Variants in PM20D2 observed in about 807,000 individuals in gnomAD.
PM20D2 encodes xaa-Arg dipeptidase.
PM20D2 carries 33 observed loss-of-function variants against 42.9 expected under a neutral mutation model. The ratio of observed to expected loss-of-function variants is 0.77; its 90% CI spans 0.58 to 1.03. The LOEUF (loss-of-function observed/expected upper bound fraction) is 1.03. Among genes scored for constraint, PM20D2 ranks in the 50% least tolerant of loss-of-function variants. PM20D2 has a pLI of 0.00. For synonymous variants in PM20D2, 250 were observed against 228.2 expected (o/e 1.10, Z -0.86); for missense variants, 548 against 557.0 (o/e 0.98, Z 0.16).
chr6:89,160,896 A>G (rs1238568238), intron 5 of PM20D2, among the ~76,000 whole-genome samples: 1 of 152,098 alleles, frequency 6.6e-6, no homozygotes, highest in East Asian at 1.9e-4. Context: ...GTCCTGTGAC[A>G]GGGAGAGCAT....
In PM20D2 at chr6:89,164,012, T is replaced by G. The variant is rs1459753942; in HGVS notation, c.*1749T>G. ...TATGTGGTACTATGAATTACTAAAT[T>G]GCTATATACCATGTAATAGTGAGTA... On this transcript the variant is annotated 3_prime_UTR_variant, in exon 7 of 7. Transcript: ENST00000275072. 1 of 152,184 alleles carries G rather than the reference T, an allele frequency of 6.6e-6. No individual in the cohort carries two copies. The highest frequency in any genetic ancestry group is 1.5e-5 in the Non-Finnish European group (1 of 68,042). 9.4% of individuals were successfully genotyped at this position (152,184 alleles called of 1,614,324 possible).
upstream of PM20D2, among the ~76,000 whole-genome samples, chr6:89,144,397 T>A (rs7756158): frequency 0.36 from 55,012 of 151,854 alleles, 10,933 homozygotes; most frequent in African/African-American, 0.54. Context: ...TCAAAATGAG[T>A]GTTGTGGGTT....
the PM20D2 span, chr6:89,105,168 T>C: frequency 1.2e-6 from 2 of 1,612,532 alleles, no homozygotes; most frequent in Admixed American, 1.7e-5. Context: ...GAAGAACTTC[T>C]ACTTCGAGTT....
At position 89,148,298 on chromosome 6, in the gene PM20D2, GGTT is replaced by G. The variant is rs201800265; in HGVS notation, c.466-963_466-961del. ...CCGGCCCACTCTTCTAACTTCAAATGGTTGTTCTCAATTTTAGCAAGGTTAAGT... is the reference window on the plus strand; with the variant it reads ...CCGGCCCACTCTTCTAACTTCAAATGGTTCTCAATTTTAGCAAGGTTAAGT... On this transcript the variant is annotated intron_variant, in intron 1 of 6. Coordinates refer to ENST00000275072, the MANE Select transcript of PM20D2 (RefSeq NM_001010853.3). 2.6e-3 allele frequency among the ~76,000 whole-genome samples: 402 copies of G among 152,182 alleles called. 5 individuals are homozygous for G. Among genetic ancestry groups the G allele is most frequent in the Admixed American group, 0.02 (310 of 15,294 alleles).
At chr6:89,157,801 T>C (rs1043664171) in intron 4 of PM20D2, among the ~76,000 whole-genome samples, 21 of 152,020 alleles carry the variant, frequency 1.4e-4, no homozygotes, top group Admixed American at 1.1e-3. Flanking sequence ...AGTCAGGAGT[T>C]TGAGGCCAGC....
At chr6:89,128,047 C>G in the PM20D2 span, among the ~76,000 whole-genome samples, 10 of 151,970 alleles carry the variant, frequency 6.6e-5, no homozygotes, top group Non-Finnish European at 1.2e-4. Flanking sequence ...ATCAGTGCAC[C>G]TTGAAAAAGA....
chr6:89,123,877 A>G, the PM20D2 span, among the ~76,000 whole-genome samples: 1,088 of 151,900 alleles, frequency 7.2e-3, 9 homozygotes, highest in African/African-American at 0.025. Flanking sequence ...TCTAGTAAAA[A>G]TAAAAACAAA....
In PM20D2 at chr6:89,154,828, A is replaced by G. The variant is rs1290221723; in HGVS notation, c.838A>G (p.Met280Val). 2 of 1,610,346 alleles carry G rather than the reference A, an allele frequency of 1.2e-6. No individual in the cohort carries two copies. Among genetic ancestry groups the G allele is most frequent in the African/African-American group, 1.3e-5 (1 of 74,834 alleles). ...AATCTATTACTTCCGTGCACCCTCA[A>G]TGAAAGAACTTCAAGTTTTGACCAA... Reference protein sequence around the residue: ...ELIYYFRAPSMKELQVLTKKA... With the variant: ...ELIYYFRAPSVKELQVLTKKA... Residue 280 changes from methionine to valine, a missense_variant, in exon 4 of 7, where the codon ATG becomes GTG. Physicochemically the swap from Met to Val is conservative, Grantham distance 21 (BLOSUM62 1). Coordinates refer to ENST00000275072, the MANE Select transcript of PM20D2 (RefSeq NM_001010853.3).
chr6:89,131,623 A>G, the PM20D2 span, among the ~76,000 whole-genome samples: 1 of 152,194 alleles, frequency 6.6e-6, no homozygotes, highest in Non-Finnish European at 1.5e-5. Flanking sequence ...GGTTGCAGGC[A>G]TAACTGGAGA....
the PM20D2 span, among the ~76,000 whole-genome samples, chr6:89,124,762 G>A: frequency 1.7e-5 from 1 of 59,188 alleles, no homozygotes. Flanking sequence ...TCAATTCGGG[G>A]TCTTGCTTTG....
chr6:89,126,519 A>G, the PM20D2 span, among the ~76,000 whole-genome samples: 1 of 152,040 alleles, frequency 6.6e-6, no homozygotes, highest in African/African-American at 2.4e-5. Flanking sequence ...CCCCATCTCT[A>G]CTAAAAATAC....
chr6:89,128,973 C>G, the PM20D2 span, among the ~76,000 whole-genome samples: 1 of 152,072 alleles, frequency 6.6e-6, no homozygotes, highest in Non-Finnish European at 1.5e-5. Flanking sequence ...CAAAAGAAAG[C>G]AATCAACAAT....
rs1462910491 is a variant in PM20D2 at position 89,165,447 on chromosome 6, A to G, written c.*3184A>G. On this transcript the variant is annotated 3_prime_UTR_variant, in exon 7 of 7. Coordinates refer to ENST00000275072, the MANE Select transcript of PM20D2 (RefSeq NM_001010853.3). ...TTGAGGATGGTGTATTTTGATATGTATGAAGTTAATATTTTCAAGTAAGCA... is the reference window on the plus strand; with the variant it reads ...TTGAGGATGGTGTATTTTGATATGTGTGAAGTTAATATTTTCAAGTAAGCA... 1.3e-5 allele frequency: 2 copies of G among 152,186 alleles called. No homozygotes were observed. Among genetic ancestry groups the G allele is most frequent in the African/African-American group, 4.8e-5 (2 of 41,454 alleles). 9.4% of individuals were successfully genotyped at this position (152,186 alleles called of 1,614,324 possible). A position where few individuals can be genotyped will look rare whatever the true frequency, so the allele number is the denominator to read the frequency against.
the PM20D2 span, among the ~76,000 whole-genome samples, chr6:89,108,151 C>T: frequency 6.6e-6 from 1 of 152,206 alleles, no homozygotes; most frequent in African/African-American, 2.4e-5. Context: ...CCTTCTAGTG[C>T]GATTAGGTGC....
At chr6:89,096,655 G>C in the PM20D2 span, 2 of 150,460 alleles carry the variant, frequency 1.3e-5, no homozygotes, top group Non-Finnish European at 2.9e-5. Flanking sequence ...TTTTCACAAT[G>C]GTACCTAGTT....
chr6:89,107,468 A>G, the PM20D2 span, among the ~76,000 whole-genome samples: 5 of 152,222 alleles, frequency 3.3e-5, no homozygotes, highest in East Asian at 9.6e-4. Flanking sequence ...GGTGGCTCAC[A>G]CCTGTAATCC....
rs1771127610 is a variant in PM20D2, at chr6:89,158,478, T to A, written c.1048+18T>A. 2.5e-6 allele frequency: 4 copies of A among 1,597,264 alleles called. No individual in the cohort carries two copies. The highest frequency in any genetic ancestry group is 1.1e-5 in the South Asian group (1 of 88,306). On this transcript the variant is annotated intron_variant, in intron 5 of 6. Coordinates refer to ENST00000275072, the MANE Select transcript of PM20D2 (RefSeq NM_001010853.3). Reference sequence around the variant, plus strand: ...CCCTTCAGGTAATTAAGTGTTTTTTTATATATTGAGCTATTTGAGGAAGAG... The same window carrying A: ...CCCTTCAGGTAATTAAGTGTTTTTTAATATATTGAGCTATTTGAGGAAGAG...
chr6:89,123,579 G>A, the PM20D2 span, among the ~76,000 whole-genome samples: 3 of 151,652 alleles, frequency 2.0e-5, no homozygotes, highest in Non-Finnish European at 4.4e-5. Context: ...CAAATTAGCT[G>A]GGCATGGTGG....
upstream of PM20D2, chr6:89,146,021 A>T: frequency 1.2e-6 from 1 of 822,310 alleles, no homozygotes; most frequent in Non-Finnish European, 1.7e-6. Flanking sequence ...GTGCCCTGGG[A>T]GCTGTGTGGC....
Sources: allele counts gnomAD v4.1 joint callset (sites outside exome capture counted in the v4.1 genomes callset), GRCh38; gene constraint gnomAD v4.1.1; transcripts MANE v1.5; gene names NCBI Gene and HGNC (gene_info 2026-07-23, HGNC 2026-07-21).